Variants in SORCS3 observed in about 807,000 individuals in gnomAD.
The protein encoded by SORCS3 is VPS10 domain-containing receptor SorCS3.
Under a neutral mutation model 146.3 loss-of-function variants are expected in SORCS3, and 57 were observed. The ratio of observed to expected loss-of-function variants is 0.39; its 90% CI spans 0.31 to 0.49. The LOEUF (loss-of-function observed/expected upper bound fraction) is 0.49. Among genes scored for constraint, SORCS3 ranks in the 20% least tolerant of loss-of-function variants. The pLI is 0.92. For missense variants in SORCS3, 1,341 were observed against 1,575.5 expected (o/e 0.85, Z 2.52); for synonymous variants, 653 against 618.5 (o/e 1.06, Z -0.83).
intron 5 of SORCS3, 82 bp downstream of exon 5, chr10:105,043,210 G>A (rs2055349581): frequency 8.3e-7 from 1 of 1,201,474 alleles, no homozygotes; most frequent in Non-Finnish European, 1.2e-6. Context: ...CTGGACAGTT[G>A]CAGTTCTTGC....
At chr10:104,698,737 G>A (rs1589463005) in intron 1 of SORCS3, among the ~76,000 whole-genome samples, 1 of 152,156 alleles carries the variant, frequency 6.6e-6, no homozygotes, top group East Asian at 1.9e-4. Flanking sequence ...CCTACCCTGA[G>A]AGGCTGGCAT....
intron 11 of SORCS3, among the ~76,000 whole-genome samples, chr10:105,162,190 A>T (rs2056270790): frequency 6.6e-6 from 1 of 152,214 alleles, no homozygotes; most frequent in Non-Finnish European, 1.5e-5. Flanking sequence ...GGAGCAGAGA[A>T]GGATAGCACT....
intron 2 of SORCS3, among the ~76,000 whole-genome samples, chr10:104,864,590 A>G (rs2491377): frequency 0.81 from 123,460 of 152,110 alleles, 50,288 homozygotes; most frequent in East Asian, 0.98. Flanking sequence ...GTGATGGGCA[A>G]TATCAGCCAG....
At chr10:105,127,888 T>C (rs549538694) in intron 7 of SORCS3, among the ~76,000 whole-genome samples, 2 of 152,290 alleles carry the variant, frequency 1.3e-5, no homozygotes, top group East Asian at 3.9e-4. Flanking sequence ...GCTGAAGTGA[T>C]CTGGGTCAGG....
chr10:105,019,365 T>A (rs761810942), intron 4 of SORCS3, among the ~76,000 whole-genome samples: 30 of 152,244 alleles, frequency 2.0e-4, no homozygotes, highest in Non-Finnish European at 3.2e-4. Context: ...CACTTCAGGT[T>A]GGCATTTGAG....
rs76397109 is a variant in SORCS3 at position 104,768,183 on chromosome 10, A to C, written c.628-74609A>C. Among the ~76,000 whole-genome samples the C allele has an allele frequency of 8.5e-3, 1,290 of 152,338 alleles. 14 individuals carry two copies. Among genetic ancestry groups the C allele is most frequent in the African/African-American group, 0.029 (1,216 of 41,576 alleles). On this transcript the variant is annotated intron_variant, in intron 1 of 26. Transcript: ENST00000369701. The stretch of plus-strand genomic sequence containing the variant: ...TAAAGTACAGCTTCTTGAGCTCCAA[A>C]GTAAATGCACAGAATCTAACTCCAT...
chr10:104,887,075 C>T (rs1253320141), intron 2 of SORCS3, among the ~76,000 whole-genome samples: 1 of 152,180 alleles, frequency 6.6e-6, no homozygotes, highest in Admixed American at 6.5e-5. Flanking sequence ...TAGAGTGTCT[C>T]TTTTACATGG....
At chr10:104,662,493 C>G (rs908718420) in intron 1 of SORCS3, among the ~76,000 whole-genome samples, 2 of 152,176 alleles carry the variant, frequency 1.3e-5, no homozygotes, top group African/African-American at 2.4e-5. Context: ...GCTGCAAGTC[C>G]CACGTGGACC....
chr10:105,001,749 G>C (rs2055063009), intron 4 of SORCS3, among the ~76,000 whole-genome samples: 7 of 150,956 alleles, frequency 4.6e-5, no homozygotes. Context: ...TGAAAGCAGA[G>C]GTGGAACATT....
chr10:104,972,783 G>T (rs998527499), intron 3 of SORCS3, among the ~76,000 whole-genome samples: 12 of 152,092 alleles, frequency 7.9e-5, no homozygotes, highest in African/African-American at 2.9e-4. Flanking sequence ...AGTTTTCAAA[G>T]GGAATGCTTC....
intron 2 of SORCS3, among the ~76,000 whole-genome samples, chr10:104,876,876 A>T (rs564294076): frequency 7.0e-6 from 1 of 143,852 alleles, no homozygotes; most frequent in African/African-American, 2.6e-5. Context: ...TGTTTCTTTC[A>T]AAAGGATGTT....
chr10:104,750,577 T>C (rs1464153953), intron 1 of SORCS3, among the ~76,000 whole-genome samples: 1 of 152,150 alleles, frequency 6.6e-6, no homozygotes, highest in African/African-American at 2.4e-5. Context: ...TGATGGCAAA[T>C]TGTACCCAGT....
chr10:105,156,106 G>T (rs1010407966), intron 9 of SORCS3, among the ~76,000 whole-genome samples: 2 of 152,184 alleles, frequency 1.3e-5, no homozygotes. Context: ...CTGGAAGAAT[G>T]GGGGATAAAT....
At chr10:105,083,434 G>A (rs73348270) in intron 5 of SORCS3, among the ~76,000 whole-genome samples, 11,911 of 152,030 alleles carry the variant, frequency 0.078, 577 homozygotes, top group Middle Eastern at 0.12. Context: ...GAAGGAACTT[G>A]GATGCTTGAG....
chr10:104,691,454 T>C (rs1184626685), intron 1 of SORCS3, among the ~76,000 whole-genome samples: 1 of 152,218 alleles, frequency 6.6e-6, no homozygotes, highest in Non-Finnish European at 1.5e-5. Context: ...TTAAATCACC[T>C]CTTCTGGGAA....
chr10:105,113,200 T>C (rs539662009), intron 7 of SORCS3, among the ~76,000 whole-genome samples: 1 of 152,334 alleles, frequency 6.6e-6, no homozygotes, highest in Admixed American at 6.5e-5. Context: ...GTTGGCTGCA[T>C]TGGTCAAAGG....
At chr10:104,912,507 C>T (rs531611867) in intron 2 of SORCS3, among the ~76,000 whole-genome samples, 5 of 152,320 alleles carry the variant, frequency 3.3e-5, no homozygotes, top group South Asian at 2.1e-4. Flanking sequence ...GTACCGTCTG[C>T]ACTGTTGTGC....
intron 3 of SORCS3, among the ~76,000 whole-genome samples, chr10:104,926,234 T>A (rs933545621): frequency 5.3e-5 from 8 of 152,208 alleles, no homozygotes; most frequent in Non-Finnish European, 1.0e-4. Context: ...ATCTTCTTCC[T>A]TGTCTCTTAA....
At chr10:105,253,873 A>G (rs1287872846) in intron 23 of SORCS3, among the ~76,000 whole-genome samples, 6 of 152,248 alleles carry the variant, frequency 3.9e-5, no homozygotes, top group African/African-American at 1.2e-4. Flanking sequence ...TTCTTAATGC[A>G]TACATCACTT....
Sources: allele counts gnomAD v4.1 joint callset (sites outside exome capture counted in the v4.1 genomes callset), GRCh38; gene constraint gnomAD v4.1.1; transcripts MANE v1.5; gene names NCBI Gene and HGNC (gene_info 2026-07-23, HGNC 2026-07-21).